ADGRL2: variants seen among roughly 807,000 people sequenced by gnomAD.
The protein encoded by ADGRL2 is adhesion G protein-coupled receptor L2.
In ADGRL2, 44 loss-of-function variants were observed where a neutral mutation model predicts 157.4. That is an observed-to-expected ratio of 0.28 (90% CI 0.22 to 0.36). The LOEUF (loss-of-function observed/expected upper bound fraction) is 0.36, where lower values mean the gene tolerates loss of function less well. Ranked by LOEUF, ADGRL2 falls within the 10% of genes least tolerant of loss-of-function variation. The probability of loss-of-function intolerance (pLI) is 1.00; values close to 1 mark genes in which losing one functional copy is unlikely to be tolerated. For missense variants in ADGRL2, 1,510 were observed against 1,768.9 expected, an observed-to-expected ratio of 0.85 and a Z score of 2.63; for synonymous variants, 585 against 624.7, an observed-to-expected ratio of 0.94 and a Z score of 0.95.
At chr1:81,333,264 G>C (rs1661391957) in intron 1 of ADGRL2, among the ~76,000 whole-genome samples, 1 of 152,008 alleles carries the variant, frequency 6.6e-6, no homozygotes, top group African/African-American at 2.4e-5. Context: ...CTCCTACTTA[G>C]AGAAAGTGGA....
chr1:81,515,870 C>T (rs186351795), intron 2 of ADGRL2, among the ~76,000 whole-genome samples: 1 of 151,976 alleles, frequency 6.6e-6, no homozygotes, highest in Admixed American at 6.6e-5. Flanking sequence ...ATCTTCTTTT[C>T]TTCTTTTATG....
intron 1 of ADGRL2, among the ~76,000 whole-genome samples, chr1:81,737,032 C>G (rs1426272758): frequency 1.3e-5 from 2 of 151,996 alleles, no homozygotes; most frequent in Non-Finnish European, 2.9e-5. Context: ...GGTGGGGTTT[C>G]ACCATGTTAG....
intron 2 of ADGRL2, among the ~76,000 whole-genome samples, chr1:81,476,806 C>T (rs1037431558): frequency 1.3e-5 from 2 of 152,172 alleles, no homozygotes; most frequent in Non-Finnish European, 2.9e-5. Context: ...TCTGGCTTCT[C>T]CTTCATTGAC....
In ADGRL2 at chr1:81,979,957, TTAAG is replaced by T; in HGVS notation, c.3113+4_3113+7del. 1.3e-6 allele frequency: 2 copies of T among 1,570,606 alleles called. No individual in the cohort carries two copies. The highest frequency in any genetic ancestry group is 1.1e-5 in the South Asian group (1 of 89,914). On this transcript the variant is annotated splice_donor_variant and coding_sequence_variant, in exon 18 of 24. Coordinates refer to ENST00000686636, the MANE Select transcript of ADGRL2 (RefSeq NM_001366006.2). LOFTEE classifies it high-confidence loss of function. ...CCAGATTCTAGCAGGTTGGAAAACA[TTAAG>T]TAAGTATTTTGTATTTTAATTTTAA...
intron 2 of ADGRL2, among the ~76,000 whole-genome samples, chr1:81,553,609 CA>C (rs2080203550): frequency 6.6e-6 from 1 of 152,164 alleles, no homozygotes; most frequent in Admixed American, 6.6e-5. Flanking sequence ...TGGCTATTAC[CA>C]CTCATTTAAA....
At chr1:81,668,414 C>CAAA (rs67441939) in intron 3 of ADGRL2, among the ~76,000 whole-genome samples, 1 of 126,172 alleles carries the variant, frequency 7.9e-6, no homozygotes. Context: ...GTAACACTGT[C>CAAA]AAAAAAAAAA....
chr1:81,759,958 G>A (rs1306772547), intron 1 of ADGRL2, among the ~76,000 whole-genome samples: 1 of 152,098 alleles, frequency 6.6e-6, no homozygotes, highest in Non-Finnish European at 1.5e-5. Context: ...CTCTCTTAGT[G>A]AGGATAGGGG....
At chr1:81,645,918 G>A (rs932086555) in intron 3 of ADGRL2, among the ~76,000 whole-genome samples, 4 of 151,972 alleles carry the variant, frequency 2.6e-5, no homozygotes, top group South Asian at 2.1e-4. Context: ...GTCATCCTCC[G>A]AATTACAGTA....
chr1:81,965,975 T>C, intron 11 of ADGRL2, 83 bp from the exon 12 acceptor site: 3 of 1,361,820 alleles, frequency 2.2e-6, no homozygotes, highest in Non-Finnish European at 3.0e-6. Flanking sequence ...AACAGTAGTT[T>C]CCATACAGTT....
At chr1:81,432,704 G>A (rs192661301) in intron 1 of ADGRL2, among the ~76,000 whole-genome samples, 2 of 152,226 alleles carry the variant, frequency 1.3e-5, no homozygotes, top group Non-Finnish European at 2.9e-5. Flanking sequence ...CCCATTTTCA[G>A]ACAGGAGGTC....
intron 3 of ADGRL2, among the ~76,000 whole-genome samples, chr1:81,607,548 A>T (rs2081459450): frequency 6.7e-6 from 1 of 148,422 alleles, no homozygotes; most frequent in Admixed American, 6.7e-5. Flanking sequence ...GGCCAAGATG[A>T]CACCAAAAAG....
At chr1:81,582,410 A>G (rs541220632) in intron 3 of ADGRL2, among the ~76,000 whole-genome samples, 2 of 152,196 alleles carry the variant, frequency 1.3e-5, no homozygotes, top group Non-Finnish European at 2.9e-5. Flanking sequence ...AATAATAAGT[A>G]AAAAGACTCC....
At chr1:81,594,329 A>C in intron 3 of ADGRL2, among the ~76,000 whole-genome samples, 1 of 152,220 alleles carries the variant, frequency 6.6e-6, no homozygotes, top group East Asian at 1.9e-4. Flanking sequence ...TTTCAAAAAT[A>C]GTTAATGAAA....
intron 1 of ADGRL2, among the ~76,000 whole-genome samples, chr1:81,346,101 G>A (rs111722172): frequency 1.3e-4 from 20 of 152,260 alleles, no homozygotes; most frequent in African/African-American, 3.6e-4. Context: ...TAAGTTGCAC[G>A]CTGATAAATA....
chr1:81,721,983 G>A, intron 1 of ADGRL2: 3 of 553,578 alleles, frequency 5.4e-6, no homozygotes, highest in Non-Finnish European at 1.0e-5. Flanking sequence ...TGCCCTTTAA[G>A]AAATAGGAGA....
chr1:81,420,780 G>A (rs1451417703), intron 1 of ADGRL2, among the ~76,000 whole-genome samples: 4 of 152,144 alleles, frequency 2.6e-5, no homozygotes, highest in African/African-American at 7.2e-5. Flanking sequence ...CTCCTAGGTC[G>A]TCGGTGGGAA....
chr1:81,526,357 A>T (rs1359443070), intron 2 of ADGRL2, among the ~76,000 whole-genome samples: 1 of 152,228 alleles, frequency 6.6e-6, no homozygotes, highest in Admixed American at 6.5e-5. Flanking sequence ...TTCCCTGTAG[A>T]TATTTTCCTC....
At chr1:81,811,208 T>C (rs1341356354) in intron 1 of ADGRL2, among the ~76,000 whole-genome samples, 2 of 151,938 alleles carry the variant, frequency 1.3e-5, no homozygotes, top group African/African-American at 4.8e-5. Context: ...ATTTGTTTCA[T>C]TGGGAAAAGA....
Position 81,352,284 on chromosome 1 carries a change from G to A in ADGRL2, c.-302+45775G>A, listed in dbSNP as rs1247767495. ...AACATATCAGTGGACATTCTGATGGGCCACACCTGAGTTTTAGTTTCTGAA... is the reference window on the plus strand; with the variant it reads ...AACATATCAGTGGACATTCTGATGGACCACACCTGAGTTTTAGTTTCTGAA... On this transcript the variant is annotated intron_variant, in intron 1 of 24. Transcript: ENST00000370721. 2.0e-5 allele frequency among the ~76,000 whole-genome samples: 3 copies of A among 152,182 alleles called. No individual in the cohort carries two copies. The East Asian group carries it at 5.8e-4, about 29-fold the overall frequency.
Sources: allele counts gnomAD v4.1 joint callset (sites outside exome capture counted in the v4.1 genomes callset), GRCh38; gene constraint gnomAD v4.1.1; transcripts MANE v1.5; gene names NCBI Gene and HGNC (gene_info 2026-07-23, HGNC 2026-07-21).